Variants in PAQR5 observed in about 807,000 individuals in gnomAD.
PAQR5 encodes the protein membrane progestin receptor gamma.
PAQR5 carries 20 observed loss-of-function variants against 34.5 expected under a neutral mutation model. The ratio of observed to expected loss-of-function variants is 0.58; its 90% CI spans 0.41 to 0.84. The LOEUF (loss-of-function observed/expected upper bound fraction) is 0.84. Ranked by LOEUF, PAQR5 falls within the 40% of genes least tolerant of loss-of-function variation. The probability of loss-of-function intolerance (pLI) is 0.00; values close to 1 mark genes in which losing one functional copy is unlikely to be tolerated. For missense variants in PAQR5, 378 were observed against 412.7 expected, an observed-to-expected ratio of 0.92 and a Z score of 0.73; for synonymous variants, 131 against 155.6, an observed-to-expected ratio of 0.84 and a Z score of 1.18.
At chr15:69,377,596 A>C (rs895004171) in intron 3 of PAQR5, among the ~76,000 whole-genome samples, 8 of 152,200 alleles carry the variant, frequency 5.3e-5, no homozygotes, top group African/African-American at 1.9e-4. Context: ...AACTGAACTA[A>C]GAGTTGTCTA....
chr15:69,378,150 G>A (rs553112787), intron 3 of PAQR5, among the ~76,000 whole-genome samples: 29 of 150,274 alleles, frequency 1.9e-4, no homozygotes, highest in Non-Finnish European at 3.7e-4. Context: ...TGTAATCCCC[G>A]CTACCCGAGG....
intron 3 of PAQR5, among the ~76,000 whole-genome samples, chr15:69,361,098 G>A (rs754126267): frequency 9.2e-5 from 14 of 152,178 alleles, no homozygotes; most frequent in African/African-American, 2.7e-4. Context: ...CAAGCTACAC[G>A]TGTGGCTGTC....
At chr15:69,360,890 A>G (rs2055213707) in intron 3 of PAQR5, among the ~76,000 whole-genome samples, 1 of 152,208 alleles carries the variant, frequency 6.6e-6, no homozygotes, top group South Asian at 2.1e-4. Context: ...CTGATTACCA[A>G]GCACTTATGA....
chr15:69,320,150 G>C (rs936704692), intron 1 of PAQR5, among the ~76,000 whole-genome samples: 8 of 152,218 alleles, frequency 5.3e-5, no homozygotes, highest in East Asian at 3.9e-4. Context: ...CCCAGCCTTG[G>C]GGGAGGACCC....
chr15:69,312,146 C>A (rs972906547), intron 1 of PAQR5, among the ~76,000 whole-genome samples: 1 of 151,848 alleles, frequency 6.6e-6, no homozygotes, highest in Non-Finnish European at 1.5e-5. Flanking sequence ...GGGAGGACAG[C>A]AATCAGAACT....
At chr15:69,363,215 T>C (rs2055288091) in intron 3 of PAQR5, among the ~76,000 whole-genome samples, 1 of 152,214 alleles carries the variant, frequency 6.6e-6, no homozygotes, top group African/African-American at 2.4e-5. Flanking sequence ...GTAATCCTGG[T>C]CCATTCTTGG....
intron 6 of PAQR5, among the ~76,000 whole-genome samples, chr15:69,393,252 C>T (rs533404750): frequency 6.6e-6 from 1 of 151,858 alleles, no homozygotes; most frequent in Non-Finnish European, 1.5e-5. Context: ...GCTGCTCTTA[C>T]AAGGCCTGTC....
At chr15:69,319,631 G>A (rs2054048622) in intron 1 of PAQR5, among the ~76,000 whole-genome samples, 1 of 152,134 alleles carries the variant, frequency 6.6e-6, no homozygotes, top group East Asian at 1.9e-4. Context: ...TGCTGCCAGA[G>A]AGGTTTCCAG....
chr15:69,299,168 CT>C (rs2053463540), intron 1 of PAQR5, 112 bp downstream of exon 1: 1 of 152,134 alleles, frequency 6.6e-6, no homozygotes, highest in African/African-American at 2.4e-5. Context: ...CCCGTTGAGC[CT>C]GGGTGGCCGC....
chr15:69,321,426 C>A (rs191605346), intron 1 of PAQR5, among the ~76,000 whole-genome samples: 1 of 152,262 alleles, frequency 6.6e-6, no homozygotes, highest in East Asian at 1.9e-4. Context: ...CGGTCTGAGA[C>A]GTCATATCGT....
intron 2 of PAQR5, among the ~76,000 whole-genome samples, chr15:69,359,456 A>G (rs570899558): frequency 5.3e-5 from 8 of 151,770 alleles, no homozygotes; most frequent in African/African-American, 1.9e-4. Context: ...AGGGCTCACA[A>G]CTCTAAGGGG....
At chr15:69,327,630 T>C (rs1026637487) in intron 1 of PAQR5, among the ~76,000 whole-genome samples, 2 of 152,180 alleles carry the variant, frequency 1.3e-5, no homozygotes, top group African/African-American at 4.8e-5. Context: ...TCCAGGAAGA[T>C]GCTTTTAGGT....
At chr15:69,336,807 T>A (rs1300808634) in intron 1 of PAQR5, among the ~76,000 whole-genome samples, 1 of 152,218 alleles carries the variant, frequency 6.6e-6, no homozygotes, top group Non-Finnish European at 1.5e-5. Context: ...GTTCCAAAAG[T>A]TATGGGAAAC....
At chr15:69,300,915 T>TTCTC (rs1189522672) in intron 1 of PAQR5, among the ~76,000 whole-genome samples, 1 of 10,994 alleles carries the variant, frequency 9.1e-5, no homozygotes, top group African/African-American at 1.7e-4. Context: ...CTTCCTTCCT[T>TTCTC]TCTCTCTCTC....
At chr15:69,401,232 A>G (rs1051361236) in intron 8 of PAQR5, among the ~76,000 whole-genome samples, 1 of 152,142 alleles carries the variant, frequency 6.6e-6, no homozygotes, top group Admixed American at 6.5e-5. Context: ...AGGTGAGTAC[A>G]TGGGAATCAA....
At chr15:69,312,341 G>A (rs59356016) in intron 1 of PAQR5, among the ~76,000 whole-genome samples, 3 of 152,048 alleles carry the variant, frequency 2.0e-5, no homozygotes, top group Non-Finnish European at 2.9e-5. Context: ...GGGGCTTGAA[G>A]GTGCCTATGA....
intron 1 of PAQR5, among the ~76,000 whole-genome samples, chr15:69,300,937 C>CTCTTTCCTTCTTTCTTTCTTTCTTTCTT: frequency 7.7e-4 from 4 of 5,188 alleles, no homozygotes; most frequent in East Asian, 7.2e-3. Context: ...CTCTCTCTCT[C>CTCTTTCCTTCTTTCTTTCTTTCTTTCTT]TCTTTCTTTC....
chr15:69,390,878 G>A (rs1363449006), intron 6 of PAQR5, among the ~76,000 whole-genome samples: 3 of 151,486 alleles, frequency 2.0e-5, no homozygotes, highest in African/African-American at 4.9e-5. Flanking sequence ...TGAGTGCAGA[G>A]AATGTTGTTA....
At chr15:69,315,189 G>T (rs534299358) in intron 1 of PAQR5, among the ~76,000 whole-genome samples, 51 of 152,146 alleles carry the variant, frequency 3.4e-4, no homozygotes, top group African/African-American at 1.1e-3. Context: ...TGTTTATGGT[G>T]GGCCTTCACA....
Sources: gnomAD v4.1 joint callset for allele counts (sites outside exome capture counted in the v4.1 genomes callset) on GRCh38, gnomAD v4.1.1 for gene constraint, MANE v1.5 for transcripts, NCBI Gene and HGNC (gene_info 2026-07-23, HGNC 2026-07-21) for gene names.